The following FAM20C variants were observed in gnomAD, a reference collection of about 807,000 sequenced individuals.
The protein encoded by FAM20C is extracellular serine/threonine protein kinase FAM20C.
A neutral mutation model predicts 51.5 loss-of-function variants in FAM20C; 40 were observed. The ratio of observed to expected loss-of-function variants is 0.78; its 90% CI spans 0.60 to 1.01. The LOEUF is 1.01. Ranked by LOEUF, FAM20C falls within the 50% of genes least tolerant of loss-of-function variation. The probability of loss-of-function intolerance (pLI) is 0.00; values close to 1 mark genes in which losing one functional copy is unlikely to be tolerated. For synonymous variants in FAM20C, 406 were observed against 380.6 expected (o/e 1.07, Z -0.78); for missense variants, 861 against 844.7 (o/e 1.02, Z -0.24).
chr7:235,797 C>T (rs1787831449), intron 3 of FAM20C, among the ~76,000 whole-genome samples: 1 of 152,184 alleles, frequency 6.6e-6, no homozygotes, highest in South Asian at 2.1e-4. Flanking sequence ...AGTCTCCTGG[C>T]AGGCTGACCA....
At position 240,354 on chromosome 7, in the gene FAM20C, G is replaced by A. The variant is rs1583323607; in HGVS notation, c.864-6061G>A. On this transcript the variant is annotated intron_variant, in intron 3 of 9. Transcript: ENST00000313766. Reference sequence around the variant, plus strand: ...GGTGATGATTATGATGTTGATAAAGGATGATAATGATGGTGGAGGTGATGA... The same window carrying A: ...GGTGATGATTATGATGTTGATAAAGAATGATAATGATGGTGGAGGTGATGA... Among the ~76,000 whole-genome samples the A allele has an allele frequency of 8.1e-5, 12 of 148,150 alleles. No individual in the cohort carries two copies. The East Asian group carries it at 1.0e-3, about 12-fold the overall frequency.
At chr7:201,667 G>A (rs182121549) in intron 2 of FAM20C, among the ~76,000 whole-genome samples, 9 of 152,358 alleles carry the variant, frequency 5.9e-5, no homozygotes, top group Admixed American at 5.9e-4. Context: ...AAGTCCATTA[G>A]TATTTCTGTG....
chr7:201,794 G>A (rs1324642227), intron 2 of FAM20C, among the ~76,000 whole-genome samples: 1 of 152,196 alleles, frequency 6.6e-6, no homozygotes. Context: ...GCTGTGACCC[G>A]GGGAGAGACT....
chr7:207,756 A>C (rs1786499252), intron 2 of FAM20C, among the ~76,000 whole-genome samples: 1 of 152,192 alleles, frequency 6.6e-6, no homozygotes, highest in Non-Finnish European at 1.5e-5. Flanking sequence ...ACAGCGCGTG[A>C]CAATCTCCCA....
rs1004257894 is a variant in FAM20C at position 259,989 on chromosome 7, G to A, written c.*9G>A. 2.3e-5 allele frequency: 35 copies of A among 1,504,078 alleles called. No homozygotes were observed. Among genetic ancestry groups the A allele is most frequent in the East Asian group, 5.0e-5 (2 of 40,126 alleles). The allele number at this position is 1,504,078 out of a possible 1,614,324, so 93.2% of individuals were successfully genotyped here. A position where few individuals can be genotyped will look rare whatever the true frequency, so the allele number is the denominator to read the frequency against. On this transcript the variant is annotated 3_prime_UTR_variant, in exon 10 of 10. Coordinates refer to ENST00000313766, the MANE Select transcript of FAM20C (RefSeq NM_020223.4). Reference sequence around the variant, plus strand: ...CCGCCTCGGCGAGGTAGTGTCCGCCGGCCGCTGCGCTGCCCGGGACGGAGA... The same window carrying A: ...CCGCCTCGGCGAGGTAGTGTCCGCCAGCCGCTGCGCTGCCCGGGACGGAGA...
chr7:236,219 G>A (rs1335074905), intron 3 of FAM20C, among the ~76,000 whole-genome samples: 3 of 98,418 alleles, frequency 3.0e-5, no homozygotes, highest in African/African-American at 2.4e-4. Flanking sequence ...GCCGAGGTGA[G>A]AGGCCGAGCG....
At chr7:251,306 C>T (rs1301689065) in intron 5 of FAM20C, among the ~76,000 whole-genome samples, 1 of 151,812 alleles carries the variant, frequency 6.6e-6, no homozygotes, top group Non-Finnish European at 1.5e-5. Context: ...ACCCCTTGAG[C>T]CCAGGAGTTC....
At chr7:243,938 A>ATTATTATT (rs1554254448) in intron 3 of FAM20C, among the ~76,000 whole-genome samples, 201 of 113,156 alleles carry the variant, frequency 1.8e-3, no homozygotes, top group Non-Finnish European at 2.7e-3. Flanking sequence ...TAATAATAAT[A>ATTATTATT]ATAATAATTA....
chr7:241,485 G>A (rs1170139271), intron 3 of FAM20C, among the ~76,000 whole-genome samples: 1 of 152,142 alleles, frequency 6.6e-6, no homozygotes, highest in Non-Finnish European at 1.5e-5. Flanking sequence ...CTGTGCCAGG[G>A]AAAGATCGAT....
chr7:216,735 G>T (rs139968177), intron 3 of FAM20C, among the ~76,000 whole-genome samples: 1 of 150,642 alleles, frequency 6.6e-6, no homozygotes, highest in African/African-American at 2.4e-5. Context: ...GTCCGTCTAC[G>T]TCTCCCAAAG....
At chr7:243,358 G>A (rs1788016083) in intron 3 of FAM20C, among the ~76,000 whole-genome samples, 2 of 32,542 alleles carry the variant, frequency 6.1e-5, no homozygotes, top group South Asian at 2.7e-3. Context: ...CCACCCGGGA[G>A]ACCTGTGCCA....
chr7:228,166 G>T, intron 3 of FAM20C: 1 of 319,682 alleles, frequency 3.1e-6, no homozygotes, highest in Non-Finnish European at 6.2e-6. Context: ...CACCAGGGGG[G>T]AAAGCCATCC....
chr7:201,493 G>A (rs917280320), intron 2 of FAM20C, among the ~76,000 whole-genome samples: 2 of 152,160 alleles, frequency 1.3e-5, no homozygotes, highest in Non-Finnish European at 2.9e-5. Flanking sequence ...CGGGGTGTTG[G>A]GACCCCCAGG....
intron 3 of FAM20C, among the ~76,000 whole-genome samples, chr7:245,225 G>T (rs1788104774): frequency 6.6e-6 from 1 of 152,264 alleles, no homozygotes; most frequent in African/African-American, 2.4e-5. Flanking sequence ...GAGTGTTGGA[G>T]CCCAGACGGA....
chr7:200,170 G>A (rs926325952), intron 2 of FAM20C, among the ~76,000 whole-genome samples: 4 of 152,252 alleles, frequency 2.6e-5, no homozygotes, highest in African/African-American at 9.6e-5. Flanking sequence ...TTCCTTGGGA[G>A]CAGGGCTCCT....
At chr7:198,232 C>T (rs1180817709) in intron 2 of FAM20C, among the ~76,000 whole-genome samples, 1 of 152,194 alleles carries the variant, frequency 6.6e-6, no homozygotes, top group African/African-American at 2.4e-5. Flanking sequence ...GCCGCATCAC[C>T]CAGGCAGGAC....
rs1312265107 is a variant in FAM20C at position 194,779 on chromosome 7, A to ACC, written c.606-772_606-771dup. 1.5e-4 allele frequency among the ~76,000 whole-genome samples: 10 copies of ACC among 66,084 alleles called. No individual in the cohort carries two copies. In the South Asian group the frequency reaches 1.8e-3, roughly 12 times the overall value. The allele number at this position is 66,084 out of a possible 152,430, so 43.4% of individuals were successfully genotyped here. A position where few individuals can be genotyped will look rare whatever the true frequency, so the allele number is the denominator to read the frequency against. On this transcript the variant is annotated intron_variant, in intron 1 of 9. Coordinates refer to ENST00000313766, the MANE Select transcript of FAM20C (RefSeq NM_020223.4). Reference sequence around the variant, plus strand: ...GCCAGGAAGTGTATCCTAGCCCCCCACCCCGCCCCCGTGTCCACCGCAGGA... The same window carrying ACC: ...GCCAGGAAGTGTATCCTAGCCCCCCACCCCCCGCCCCCGTGTCCACCGCAGGA...
Position 246,212 on chromosome 7 carries a change from C to T in FAM20C, c.864-203C>T, listed in dbSNP as rs143943580. 4.4e-3 allele frequency: 2,132 copies of T among 481,686 alleles called. 4 individuals are homozygous for T. Among genetic ancestry groups the T allele is most frequent in the African/African-American group, 9.1e-3 (416 of 45,650 alleles). The allele number at this position is 481,686 out of a possible 1,614,324, so 29.8% of individuals were successfully genotyped here. ...CAGGGCCACGGGGAGCTGGGACCCC[C>T]GGCCTCCGTCGCACGTGCCTGCGCT... is the stretch of plus-strand genomic sequence containing the variant. On this transcript the variant is annotated intron_variant, in intron 3 of 9. Transcript: ENST00000313766.
At chr7:250,980 A>G (rs1437822499) in intron 5 of FAM20C, among the ~76,000 whole-genome samples, 1 of 152,238 alleles carries the variant, frequency 6.6e-6, no homozygotes, top group Non-Finnish European at 1.5e-5. Flanking sequence ...GGACCGATTG[A>G]AAGAGACGGT....
Sources: gnomAD v4.1 joint callset for allele counts (sites outside exome capture counted in the v4.1 genomes callset) on GRCh38, gnomAD v4.1.1 for gene constraint, MANE v1.5 for transcripts, NCBI Gene and HGNC (gene_info 2026-07-23, HGNC 2026-07-21) for gene names.